Variants in ARFIP2 observed in about 807,000 individuals in gnomAD.
ARFIP2 encodes the protein arfaptin-2.
ARFIP2 carries 14 observed loss-of-function variants against 39.2 expected under a neutral mutation model. The ratio of observed to expected loss-of-function variants is 0.36; its 90% CI spans 0.24 to 0.56. The LOEUF (loss-of-function observed/expected upper bound fraction) is 0.56. ARFIP2 is among the 20% of genes least tolerant of loss of function. ARFIP2 has a pLI of 0.85. For synonymous variants in ARFIP2, 167 were observed against 172.4 expected (o/e 0.97, Z 0.24); for missense variants, 305 against 422.5 (o/e 0.72, Z 2.44).
chr11:6,478,607 G>A lies in ARFIP2; in HGVS notation c.537+131C>T. The A allele has an allele frequency of 2.7e-6, 4 of 1,477,310 alleles. No homozygotes were observed. In the South Asian group the frequency reaches 4.0e-5, roughly 15 times the overall value. 91.5% of individuals were successfully genotyped at this position (1,477,310 alleles called of 1,614,324 possible). A position where few individuals can be genotyped will look rare whatever the true frequency, so the allele number is the denominator to read the frequency against. On this transcript the variant is annotated intron_variant, in intron 5 of 7. Transcript: ENST00000396777. The surrounding 1 kb of genome is among the most constrained non-coding windows in gnomAD (Gnocchi z 4.8). ...TAGGCTGCCTCCACAGGTGAGTGCT[G>A]CTGGGGGTAGGGCTGGGCCCACCCT...
In ARFIP2 at chr11:6,477,873, G is replaced by A. The variant is rs976148032; in HGVS notation, c.715C>T (p.Arg239Ter). 1 of 1,613,902 alleles carries A rather than the reference G, an allele frequency of 6.2e-7. No individual in the cohort carries two copies. ...EAARLEYDAYRTDLEELSLGP... is the reference protein window; with the variant it reads ...EAARLEYDAY ...AGACTCAGCTCCTCTAAGTCTGTTC[G>A]GTAGGCATCATATTCCAGCCTGGGG... The change falls in exon 7 of 8, where the codon CGA becomes TGA. Residue 239 changes from arginine (R) to a stop codon, truncating the protein, a stop_gained. Transcript: ENST00000396777. LOFTEE classifies it high-confidence loss of function. This position sits in a 1 kb window ranked among gnomAD's most constrained non-coding sequence, Gnocchi z 4.8.
At position 6,477,998 on chromosome 11, in the gene ARFIP2, A is replaced by G. The variant is rs765098948; in HGVS notation, c.695+43T>C. ...CCCTAATGCCCAAATTTCCACCCAT[A>G]CCAGCCAACTCCCCAAACCCTAAGC... On this transcript the variant is annotated intron_variant, in intron 6 of 7. Transcript: ENST00000396777. This position sits in a 1 kb window ranked among gnomAD's most constrained non-coding sequence, Gnocchi z 4.8. 34 of 1,607,264 alleles carry G rather than the reference A, an allele frequency of 2.1e-5. No homozygotes were observed. The highest frequency in any genetic ancestry group is 2.6e-5 in the Non-Finnish European group (31 of 1,175,164).
intron 3 of ARFIP2, 127 bp from the exon 4 acceptor site, chr11:6,479,385 T>C: frequency 1.3e-6 from 2 of 1,590,410 alleles, no homozygotes; most frequent in Non-Finnish European, 1.7e-6. Flanking sequence ...GACAACTGGA[T>C]GCTCCTGCTT....
rs1255162090 is a variant in ARFIP2, at chr11:6,481,298, TC to T, written c.-111del. On this transcript the variant is annotated 5_prime_UTR_variant, in exon 1 of 8. Coordinates refer to ENST00000396777, the MANE Select transcript of ARFIP2 (RefSeq NM_001376558.2). ...CCGCGCGGGGACCTCGGGCTCCAGT[TC>T]CCGTCGCGATCCTAGCAGCAGGTCA... is the stretch of plus-strand genomic sequence containing the variant. The T allele has an allele frequency of 5.7e-6, 4 of 701,904 alleles. No homozygotes were observed. The highest frequency in any genetic ancestry group is 9.4e-6 in the Non-Finnish European group (4 of 427,308). The allele number at this position is 701,904 out of a possible 1,614,324, so 43.5% of individuals were successfully genotyped here.
chr11:6,479,065 T>G, intron 4 of ARFIP2, 75 bp downstream of exon 4: 1 of 1,583,934 alleles, frequency 6.3e-7, no homozygotes, highest in South Asian at 1.1e-5. Flanking sequence ...ACAGATGGGA[T>G]ATTACGATCA....
rs1215449111 is a variant in ARFIP2, at chr11:6,478,624, G to A, written c.537+114C>T. On this transcript the variant is annotated intron_variant, in intron 5 of 7. Transcript: ENST00000396777. This position sits in a 1 kb window ranked among gnomAD's most constrained non-coding sequence, Gnocchi z 4.8. ...TGAGTGCTGCTGGGGGTAGGGCTGG[G>A]CCCACCCTGAAGGGGTTCTCCCTGT... The A allele has an allele frequency of 2.0e-6, 3 of 1,495,572 alleles. No homozygotes were observed. Among genetic ancestry groups the A allele is most frequent in the African/African-American group, 1.4e-5 (1 of 72,146 alleles). The allele number at this position is 1,495,572 out of a possible 1,614,324, so 92.6% of individuals were successfully genotyped here. A position where few individuals can be genotyped will look rare whatever the true frequency, so the allele number is the denominator to read the frequency against.
At chr11:6,479,285 G>T (rs781405866) in intron 3 of ARFIP2, 27 bp from the exon 4 acceptor site, 15 of 1,613,696 alleles carry the variant, frequency 9.3e-6, no homozygotes, top group African/African-American at 4.0e-5. Context: ...TCTGACACCA[G>T]CCTCTCTCAG....
rs1477550811 is a variant in ARFIP2 at position 6,478,894 on chromosome 11, C to T, written c.381G>A (p.Glu127=). Residue 127 remains glutamate (E), a synonymous_variant, in exon 5 of 8, where the codon GAG becomes GAA. Transcript: ENST00000396777. The surrounding 1 kb of genome is among the most constrained non-coding windows in gnomAD (Gnocchi z 4.8). ...TCTCACGCAGCAACTCAATCTGCAG[C>T]TCTAGCTCCAGGTCCACAGTCCGTG... ...RGSRTVDLEL[E]LQIELLRETK... The T allele has an allele frequency of 2.5e-6, 4 of 1,614,106 alleles. No individual in the cohort carries two copies. Among genetic ancestry groups the T allele is most frequent in the Non-Finnish European group, 3.4e-6 (4 of 1,180,050 alleles).
rs139572988 is a variant in ARFIP2, at chr11:6,477,594, G to A, written c.870+124C>T. ...TGATCTGGAAAGGCCCAGGGGTTGA[G>A]GGGGTGAACACTCTACTCCCCAGCT... On this transcript the variant is annotated intron_variant, in intron 7 of 7. Transcript: ENST00000396777. This position sits in a 1 kb window ranked among gnomAD's most constrained non-coding sequence, Gnocchi z 4.8. 2 of 1,119,772 alleles carry A rather than the reference G, an allele frequency of 1.8e-6. No individual in the cohort carries two copies. The highest frequency in any genetic ancestry group is 1.6e-5 in the African/African-American group (1 of 64,034). 69.4% of individuals were successfully genotyped at this position (1,119,772 alleles called of 1,614,324 possible).
Position 6,477,384 on chromosome 11 carries a change from G to A in ARFIP2, c.871-116C>T, listed in dbSNP as rs1405202726. 1.2e-5 allele frequency: 15 copies of A among 1,259,058 alleles called. No individual in the cohort carries two copies. The highest frequency in any genetic ancestry group is 1.5e-5 in the Non-Finnish European group (14 of 925,504). 78.0% of individuals were successfully genotyped at this position (1,259,058 alleles called of 1,614,324 possible). A position where few individuals can be genotyped will look rare whatever the true frequency, so the allele number is the denominator to read the frequency against. The stretch of plus-strand genomic sequence containing the variant: ...AGGACTCTGCTCTGATGGTGCTTTT[G>A]GGGTAGGGGCTGAACTCTACCCAGG... On this transcript the variant is annotated intron_variant, in intron 7 of 7. Transcript: ENST00000396777. The surrounding 1 kb of genome is among the most constrained non-coding windows in gnomAD (Gnocchi z 4.8).
chr11:6,478,305 TG>T lies in ARFIP2; in HGVS notation c.538-108del. ...CCGGGGAGGACACAGCCAGCAAAAC[TG>T]GAACAACCAAGGACTGCCTCCAGCA... is the stretch of plus-strand genomic sequence containing the variant. On this transcript the variant is annotated intron_variant, in intron 5 of 7. Transcript: ENST00000396777. The surrounding 1 kb of genome is among the most constrained non-coding windows in gnomAD (Gnocchi z 4.8). The T allele has an allele frequency of 7.2e-7, 1 of 1,384,640 alleles. No individual in the cohort carries two copies. The highest frequency in any genetic ancestry group is 2.3e-5 in the East Asian group (1 of 43,394). The allele number at this position is 1,384,640 out of a possible 1,614,324, so 85.8% of individuals were successfully genotyped here. A position where few individuals can be genotyped will look rare whatever the true frequency, so the allele number is the denominator to read the frequency against.
chr11:6,479,278 G>C lies in ARFIP2; in HGVS notation c.197-20C>G. On this transcript the variant is annotated intron_variant, in intron 3 of 7. Transcript: ENST00000396777. ...CAGACCCTAAAGGATCAAGTTCTCT[G>C]ACACCAGCCTCTCTCAGATACACCA... 4 of 1,613,944 alleles carry C rather than the reference G, an allele frequency of 2.5e-6. No homozygotes were observed. In the South Asian group the frequency reaches 4.4e-5, roughly 18 times the overall value.
chr11:6,477,007 C>G lies in ARFIP2; in HGVS notation c.*106G>C, dbSNP rs1445861908. On this transcript the variant is annotated 3_prime_UTR_variant, in exon 8 of 8. Coordinates refer to ENST00000396777, the MANE Select transcript of ARFIP2 (RefSeq NM_001376558.2). The surrounding 1 kb of genome is among the most constrained non-coding windows in gnomAD (Gnocchi z 4.8). The stretch of plus-strand genomic sequence containing the variant: ...CAGGCCCCAGCCAGAAAAAGGAGCC[C>G]AAGCCAGAGGGCAAGTGACAAAGGA... 2.9e-6 allele frequency: 4 copies of G among 1,359,712 alleles called. No homozygotes were observed. Among genetic ancestry groups the G allele is most frequent in the Non-Finnish European group, 3.9e-6 (4 of 1,021,638 alleles). 84.2% of individuals were successfully genotyped at this position (1,359,712 alleles called of 1,614,324 possible). A position where few individuals can be genotyped will look rare whatever the true frequency, so the allele number is the denominator to read the frequency against.
At position 6,479,135 on chromosome 11, in the gene ARFIP2, C is replaced by A. The variant is rs1195332858; in HGVS notation, c.315+5G>T. 6.8e-6 allele frequency: 11 copies of A among 1,613,822 alleles called. No homozygotes were observed. Among genetic ancestry groups the A allele is most frequent in the Non-Finnish European group, 9.3e-6 (11 of 1,179,788 alleles). On this transcript the variant is annotated splice_donor_5th_base_variant and intron_variant, in intron 4 of 7. Coordinates refer to ENST00000396777, the MANE Select transcript of ARFIP2 (RefSeq NM_001376558.2). ...TTGGGGAAGGGAGAGGTGCTTAAAT[C>A]CTACCTTATAGGTGTTGATGCCCCA...
chr11:6,480,516 G>A (rs1327134578), intron 1 of ARFIP2, 53 bp from the exon 2 acceptor site: 3 of 931,306 alleles, frequency 3.2e-6, no homozygotes, highest in Non-Finnish European at 4.7e-6. Flanking sequence ...CTAGAAGAAG[G>A]AGGCCTCCTC....
intron 1 of ARFIP2, chr11:6,480,934 T>G (rs1270027969): frequency 5.9e-6 from 1 of 169,620 alleles, no homozygotes; most frequent in East Asian, 1.9e-4. Flanking sequence ...TCCCCCTTCC[T>G]TCAGGGGGTC....
Position 6,477,800 on chromosome 11 carries a change from G to T in ARFIP2, c.788C>A (p.Ala263Asp). 6.2e-7 allele frequency: 1 copy of T among 1,613,980 alleles called. No homozygotes were observed. Among genetic ancestry groups the T allele is most frequent in the Non-Finnish European group, 8.5e-7 (1 of 1,179,980 alleles). ...CTTGTCCCGATGGGCCTGGAAAGTG[G>T]CCTGGGCACTCTCAAGTCGACCACG... ...GTRGRLESAQ[A>D]TFQAHRDKYE... is the part of the protein sequence containing the mutation. The change falls in exon 7 of 8, where the codon GCC (alanine) becomes GAC (aspartate). Residue 263 changes from alanine to aspartate, a missense_variant. This residue lies in a region of ARFIP2 where 112 missense variants were observed against 118.2 expected (regional missense o/e 0.95). Coordinates refer to ENST00000396777, the MANE Select transcript of ARFIP2 (RefSeq NM_001376558.2). The surrounding 1 kb of genome is among the most constrained non-coding windows in gnomAD (Gnocchi z 4.8).
At position 6,478,120 on chromosome 11, in the gene ARFIP2, A is replaced by C; in HGVS notation, c.616T>G (p.Phe206Val). 6.2e-7 allele frequency: 1 copy of C among 1,614,032 alleles called. No homozygotes were observed. The highest frequency in any genetic ancestry group is 8.5e-7 in the Non-Finnish European group (1 of 1,179,982). Reference protein sequence around the residue: ...GETLLGAVNFFVSSINTLVTK... With the variant: ...GETLLGAVNFVVSSINTLVTK... ...ACCAATGTGTTGATGCTAGAGACAA[A>C]GAAGTTCACGGCTCCTAGCAGCGTT... Residue 206 changes from phenylalanine (F) to valine (V), a missense_variant, in exon 6 of 8, where the codon TTT becomes GTT. Phe to Val is a conservative substitution (Grantham distance 50, BLOSUM62 -1). Transcript: ENST00000396777. The surrounding 1 kb of genome is among the most constrained non-coding windows in gnomAD (Gnocchi z 4.8).
chr11:6,478,430 C>T lies in ARFIP2; in HGVS notation c.538-232G>A. The T allele has an allele frequency of 2.1e-6, 2 of 945,114 alleles. No individual in the cohort carries two copies. The highest frequency in any genetic ancestry group is 5.3e-5 in the East Asian group (2 of 37,742). The allele number at this position is 945,114 out of a possible 1,614,324, so 58.5% of individuals were successfully genotyped here. ...CTTGGGTAAGTTCACAAGACTGGAA[C>T]AGTCTGAGAGCTAGTGTGGCAAGCA... On this transcript the variant is annotated intron_variant, in intron 5 of 7. Transcript: ENST00000396777. The surrounding 1 kb of genome is among the most constrained non-coding windows in gnomAD (Gnocchi z 4.8).
Sources: allele counts gnomAD v4.1 joint callset, GRCh38; gene constraint gnomAD v4.1.1; regional missense constraint gnomAD v4.1.1; non-coding constraint Gnocchi (gnomAD v3.1); transcripts MANE v1.5; gene names NCBI Gene and HGNC (gene_info 2026-07-23, HGNC 2026-07-21).